PCCA: variants seen among roughly 807,000 people sequenced by gnomAD.
PCCA encodes propionyl-CoA carboxylase alpha chain, mitochondrial.
Under a neutral mutation model 101.3 loss-of-function variants are expected in PCCA, and 74 were observed. That is an observed-to-expected ratio of 0.73 (90% CI 0.61 to 0.89). PCCA has a LOEUF of 0.89. PCCA is among the 40% of genes least tolerant of loss of function. PCCA has a pLI of 0.00. For synonymous variants in PCCA, 294 were observed against 313.6 expected, an observed-to-expected ratio of 0.94 and a Z score of 0.66; for missense variants, 891 against 907.0, an observed-to-expected ratio of 0.98 and a Z score of 0.23.
intron 19 of PCCA, among the ~76,000 whole-genome samples, chr13:100,393,093 G>C (rs2076882216): frequency 6.6e-6 from 1 of 152,184 alleles, no homozygotes; most frequent in East Asian, 1.9e-4. Flanking sequence ...GTCTCTCTAT[G>C]TATGTTGAAA....
intron 14 of PCCA, chr13:100,305,898 A>G: frequency 2.6e-6 from 1 of 389,734 alleles, no homozygotes; most frequent in South Asian, 2.1e-5. Flanking sequence ...GAATACGAAT[A>G]CAGATATCTA....
chr13:100,325,924 C>T (rs905924548), intron 16 of PCCA, among the ~76,000 whole-genome samples: 1 of 152,140 alleles, frequency 6.6e-6, no homozygotes, highest in African/African-American at 2.4e-5. Flanking sequence ...TGGCCTGCTT[C>T]TCCCCAAACC....
chr13:100,176,573 G>T (rs1267017681), intron 6 of PCCA, among the ~76,000 whole-genome samples: 2 of 152,152 alleles, frequency 1.3e-5, no homozygotes, highest in Non-Finnish European at 2.9e-5. Flanking sequence ...CAGCTTAAGA[G>T]AATTTGTTCA....
At chr13:100,223,588 A>G (rs1307513848) in intron 7 of PCCA, among the ~76,000 whole-genome samples, 1 of 152,104 alleles carries the variant, frequency 6.6e-6, no homozygotes, top group Non-Finnish European at 1.5e-5. Flanking sequence ...ATTTATTGCA[A>G]AGAACTAAAG....
Position 100,268,052 on chromosome 13 carries a change from G to A in PCCA, c.820-637G>A, listed in dbSNP as rs574559703. ...TTGGGTATCCCTAATCTGAAAATTC[G>A]AAATGCTCCAGTGACTGTTTCCTTT... is the stretch of plus-strand genomic sequence containing the variant. On this transcript the variant is annotated intron_variant, in intron 10 of 23. Transcript: ENST00000376285. 5.9e-5 allele frequency among the ~76,000 whole-genome samples: 9 copies of A among 152,214 alleles called. 1 individual carries two copies. The highest frequency in any genetic ancestry group is 1.9e-4 in the East Asian group (1 of 5,190).
intron 12 of PCCA, among the ~76,000 whole-genome samples, chr13:100,274,205 TA>T (rs2063491023): frequency 6.6e-6 from 1 of 152,216 alleles, no homozygotes. Context: ...TACGCATACC[TA>T]AGCAGCATTA....
At chr13:100,500,729 AG>A (rs1566465766) in intron 21 of PCCA, among the ~76,000 whole-genome samples, 1 of 152,194 alleles carries the variant, frequency 6.6e-6, no homozygotes, top group African/African-American at 2.4e-5. Flanking sequence ...GATCCAATTT[AG>A]GGACAGCAAC....
At chr13:100,194,891 T>C (rs1423853646) in intron 6 of PCCA, among the ~76,000 whole-genome samples, 3 of 152,206 alleles carry the variant, frequency 2.0e-5, no homozygotes, top group Non-Finnish European at 4.4e-5. Context: ...ACCCTCATGC[T>C]AAGTGAAGTG....
intron 20 of PCCA, among the ~76,000 whole-genome samples, chr13:100,445,458 A>G (rs1485661168): frequency 1.3e-5 from 2 of 152,174 alleles, no homozygotes; most frequent in Non-Finnish European, 2.9e-5. Context: ...TACTCAGAAA[A>G]TTTCAAGAAT....
intron 4 of PCCA, among the ~76,000 whole-genome samples, chr13:100,128,699 AAGTCCAGTGGACATTTTTC>A (rs1320778063): frequency 6.6e-6 from 1 of 152,074 alleles, no homozygotes; most frequent in African/African-American, 2.4e-5. Context: ...TTCTCATGTT[AAGTCCAGTGGACATTTTTC>A]AGTCCTCTTC....
chr13:100,489,071 C>T (rs930533470), intron 21 of PCCA, among the ~76,000 whole-genome samples: 2 of 152,060 alleles, frequency 1.3e-5, no homozygotes, highest in Non-Finnish European at 2.9e-5. Context: ...TTTGGGAGGC[C>T]GAGGCAGGCG....
chr13:100,433,045 C>T (rs573973717), intron 20 of PCCA, among the ~76,000 whole-genome samples: 6 of 152,278 alleles, frequency 3.9e-5, no homozygotes, highest in South Asian at 4.1e-4. Flanking sequence ...CCTCTGTCAA[C>T]GGACATTTGG....
chr13:100,425,009 A>T (rs1014402135), intron 19 of PCCA, among the ~76,000 whole-genome samples: 6 of 151,874 alleles, frequency 4.0e-5, no homozygotes, highest in Non-Finnish European at 7.4e-5. Flanking sequence ...TTTGGAAATT[A>T]TTTTTTTTCT....
At chr13:100,512,114 C>T (rs2086529842) in intron 21 of PCCA, among the ~76,000 whole-genome samples, 1 of 152,206 alleles carries the variant, frequency 6.6e-6, no homozygotes, top group Non-Finnish European at 1.5e-5. Context: ...CTCTCAGCCC[C>T]CAGGCTTTCA....
chr13:100,524,618 C>T (rs2087594079), intron 22 of PCCA, among the ~76,000 whole-genome samples: 1 of 152,086 alleles, frequency 6.6e-6, no homozygotes, highest in Non-Finnish European at 1.5e-5. Context: ...ACATCTGTAA[C>T]CCCAGCACTT....
chr13:100,159,083 C>A, intron 6 of PCCA, among the ~76,000 whole-genome samples: 1 of 97,302 alleles, frequency 1.0e-5, no homozygotes. Context: ...AAAAATGCTG[C>A]CTTTTTTTTT....
At position 100,428,090 on chromosome 13, in the gene PCCA, A is replaced by G. The variant is rs547096542; in HGVS notation, c.1845+2359A>G. ...TTTTTTTTTTCTTTTTAAATGAGAC[A>G]GGATCTCGCTCTGTCACCTAGGCTA... On this transcript the variant is annotated intron_variant, in intron 20 of 23. Coordinates refer to ENST00000376285, the MANE Select transcript of PCCA (RefSeq NM_000282.4). Among the ~76,000 whole-genome samples, 15 of 152,048 alleles carry G rather than the reference A, an allele frequency of 9.9e-5. 1 individual carries two copies. Among genetic ancestry groups the G allele is most frequent in the Middle Eastern group, 3.4e-3 (1 of 292 alleles).
chr13:100,492,890 C>T (rs1020758785), intron 21 of PCCA, among the ~76,000 whole-genome samples: 3 of 151,828 alleles, frequency 2.0e-5, no homozygotes, highest in African/African-American at 2.4e-5. Context: ...GTCCCCTTTC[C>T]AGCTCCGCAT....
intron 1 of PCCA, among the ~76,000 whole-genome samples, chr13:100,090,695 T>C (rs1270668822): frequency 1.3e-5 from 2 of 152,230 alleles, no homozygotes; most frequent in Non-Finnish European, 2.9e-5. Flanking sequence ...TAGAGGGATT[T>C]GACCAAGCCA....
Sources: gnomAD v4.1 joint callset for allele counts (sites outside exome capture counted in the v4.1 genomes callset) on GRCh38, gnomAD v4.1.1 for gene constraint, MANE v1.5 for transcripts, NCBI Gene and HGNC (gene_info 2026-07-23, HGNC 2026-07-21) for gene names.